Variants in ZNF267 observed in about 807,000 individuals in gnomAD.
ZNF267 encodes the protein zinc finger (C2H2).
In ZNF267, 61 loss-of-function variants were observed where a neutral mutation model predicts 71.6. The observed-to-expected ratio is 0.85, with a 90% CI of 0.69 to 1.05. The LOEUF is 1.05. Among genes scored for constraint, ZNF267 ranks in the 50% least tolerant of loss-of-function variants. The probability of loss-of-function intolerance (pLI) is 0.00; values close to 1 mark genes in which losing one functional copy is unlikely to be tolerated. For synonymous variants in ZNF267, 288 were observed against 293.2 expected (o/e 0.98, Z 0.18); for missense variants, 852 against 870.0 (o/e 0.98, Z 0.26).
chr16:31,885,136 C>T, intron 2 of ZNF267, 25 bp from the exon 3 acceptor site: 5 of 1,562,230 alleles, frequency 3.2e-6, no homozygotes, highest in Non-Finnish European at 4.3e-6. Flanking sequence ...CATTAAGAGT[C>T]ATGTGAATTT....
At chr16:31,899,864 A>G (rs2084025521) in intron 3 of ZNF267, among the ~76,000 whole-genome samples, 1 of 152,182 alleles carries the variant, frequency 6.6e-6, no homozygotes, top group Non-Finnish European at 1.5e-5. Context: ...TTTTCTAATA[A>G]CCTAGATTGT....
At position 31,909,801 on chromosome 16, in the gene ZNF267, A is replaced by G. The variant is rs146183905; in HGVS notation, c.227-4675A>G. Among the ~76,000 whole-genome samples, 53 of 152,320 alleles carry G rather than the reference A, an allele frequency of 3.5e-4. No individual in the cohort carries two copies. The East Asian group carries it at 0.01, about 29-fold the overall frequency. On this transcript the variant is annotated intron_variant, in intron 3 of 3. Coordinates refer to ENST00000300870, the MANE Select transcript of ZNF267 (RefSeq NM_003414.6). ...GCTAGCACTTCCAGTACTATGTTGA[A>G]TAACAGTGTTGAAAGTGGACATCCT... is the stretch of plus-strand genomic sequence containing the variant.
At chr16:31,893,507 G>C (rs2083975547) in intron 3 of ZNF267, among the ~76,000 whole-genome samples, 1 of 152,184 alleles carries the variant, frequency 6.6e-6, no homozygotes, top group African/African-American at 2.4e-5. Flanking sequence ...CTATCGCATT[G>C]TTAGGCTGCA....
chr16:31,877,008 G>A (rs1324728797), intron 1 of ZNF267, among the ~76,000 whole-genome samples: 1 of 152,116 alleles, frequency 6.6e-6, no homozygotes, highest in Non-Finnish European at 1.5e-5. Flanking sequence ...ATGGAAGGAG[G>A]GTTGGGAGGC....
rs781073898 is a variant in ZNF267 at position 31,915,604 on chromosome 16, C to T, written c.1355C>T (p.Thr452Ile). 4.3e-6 allele frequency: 7 copies of T among 1,613,558 alleles called. No individual in the cohort carries two copies. The highest frequency in any genetic ancestry group is 5.9e-6 in the Non-Finnish European group (7 of 1,179,922). ...GCTTTTAACCGTAGTTCATGCCTTA[C>T]TCAACATCAGACAACTCATACAGGA... is the stretch of plus-strand genomic sequence containing the variant. ...GKAFNRSSCL[T>I]QHQTTHTGEK... Residue 452 changes from threonine to isoleucine, a missense_variant, in exon 4 of 4, where the codon ACT becomes ATT. Transcript: ENST00000300870.
At chr16:31,880,280 T>A (rs1345043226) in intron 1 of ZNF267, among the ~76,000 whole-genome samples, 1 of 152,196 alleles carries the variant, frequency 6.6e-6, no homozygotes, top group Non-Finnish European at 1.5e-5. Flanking sequence ...GTGGTTCCTT[T>A]TTATAAACAG....
chr16:31,893,513 C>T (rs1236725074), intron 3 of ZNF267, among the ~76,000 whole-genome samples: 1 of 152,220 alleles, frequency 6.6e-6, no homozygotes, highest in East Asian at 1.9e-4. Flanking sequence ...CATTGTTAGG[C>T]TGCAAATTTT....
intron 3 of ZNF267, among the ~76,000 whole-genome samples, chr16:31,909,196 G>A (rs1175634111): frequency 5.6e-5 from 8 of 143,548 alleles, no homozygotes; most frequent in Admixed American, 2.2e-4. Context: ...GCACGATCTC[G>A]GCTCGGCTCA....
rs563483705 is a variant in ZNF267, at chr16:31,916,700, G to A, written c.*219G>A. 2 of 551,254 alleles carry A rather than the reference G, an allele frequency of 3.6e-6. No individual in the cohort carries two copies. Among genetic ancestry groups the A allele is most frequent in the Non-Finnish European group, 6.3e-6 (2 of 317,142 alleles). 34.1% of individuals were successfully genotyped at this position (551,254 alleles called of 1,614,324 possible). A position where few individuals can be genotyped will look rare whatever the true frequency, so the allele number is the denominator to read the frequency against. On this transcript the variant is annotated 3_prime_UTR_variant, in exon 4 of 4. Transcript: ENST00000300870. ...TAAACTGTGCTCAACCCTTACTCAA[G>A]ATAATCCATACTAGAGAAACACTAT...
At chr16:31,894,636 GGAC>G in intron 3 of ZNF267, 1 of 485,680 alleles carries the variant, frequency 2.1e-6, no homozygotes, top group Non-Finnish European at 4.1e-6. Context: ...CAGCTTCGCT[GGAC>G]ATGCCTGCTG....
Position 31,873,917 on chromosome 16 carries a change from G to T in ZNF267, c.-50G>T, listed in dbSNP as rs780192983. The T allele has an allele frequency of 1.2e-6, 2 of 1,613,394 alleles. No individual in the cohort carries two copies. The highest frequency in any genetic ancestry group is 1.7e-6 in the Non-Finnish European group (2 of 1,179,466). The stretch of plus-strand genomic sequence containing the variant: ...ACCTCTGTTGCTCTGCGACTTGCAG[G>T]CACTGGGAGATTCGTAGCTAAGACG... On this transcript the variant is annotated 5_prime_UTR_variant, in exon 1 of 4. Coordinates refer to ENST00000300870, the MANE Select transcript of ZNF267 (RefSeq NM_003414.6).
chr16:31,905,613 G>T, intron 3 of ZNF267, among the ~76,000 whole-genome samples: 1 of 152,010 alleles, frequency 6.6e-6, no homozygotes, highest in East Asian at 1.9e-4. Flanking sequence ...CACGTAGTTC[G>T]TGTGCCTTGG....
At position 31,897,157 on chromosome 16, in the gene ZNF267, CAAAA is replaced by C. The variant is rs199788365; in HGVS notation, c.226+11906_226+11909del. Among the ~76,000 whole-genome samples the C allele has an allele frequency of 3.4e-5, 5 of 147,340 alleles. 1 individual carries two copies. The highest frequency in any genetic ancestry group is 6.0e-5 in the Non-Finnish European group (4 of 66,936). ...ACCAAAAAAACAAAACAAAACAAAA[CAAAA>C]AAAACCCAGAAACAACAAAACTGTT... is the stretch of plus-strand genomic sequence containing the variant. On this transcript the variant is annotated intron_variant, in intron 3 of 3. Coordinates refer to ENST00000300870, the MANE Select transcript of ZNF267 (RefSeq NM_003414.6).
At chr16:31,903,048 G>A (rs908873368) in intron 3 of ZNF267, among the ~76,000 whole-genome samples, 11 of 152,268 alleles carry the variant, frequency 7.2e-5, no homozygotes, top group African/African-American at 2.2e-4. Context: ...AGATAATCAT[G>A]TGGTTTTTGT....
chr16:31,906,196 T>TG (rs1028058198), intron 3 of ZNF267, among the ~76,000 whole-genome samples: 2 of 152,162 alleles, frequency 1.3e-5, no homozygotes, highest in African/African-American at 2.4e-5. Flanking sequence ...CAGCTCCTAC[T>TG]GGGGGGTGCC....
chr16:31,876,045 ATCTT>A (rs1294679623), intron 1 of ZNF267, among the ~76,000 whole-genome samples: 11 of 152,204 alleles, frequency 7.2e-5, no homozygotes, highest in African/African-American at 9.6e-5. Flanking sequence ...AACAGAGAAA[ATCTT>A]TCTTTCATTA....
intron 1 of ZNF267, among the ~76,000 whole-genome samples, chr16:31,876,365 C>T (rs973102562): frequency 1.3e-5 from 2 of 151,992 alleles, no homozygotes; most frequent in South Asian, 2.1e-4. Flanking sequence ...AGGGGTGCTG[C>T]GCCATGGCTG....
At chr16:31,900,633 A>G (rs919558888) in intron 3 of ZNF267, among the ~76,000 whole-genome samples, 3 of 151,638 alleles carry the variant, frequency 2.0e-5, no homozygotes, top group Non-Finnish European at 2.9e-5. Flanking sequence ...TTTAGTAGAG[A>G]TGGGGTTTCA....
At position 31,914,949 on chromosome 16, in the gene ZNF267, C is replaced by A; in HGVS notation, c.700C>A (p.His234Asn). 1 of 1,608,904 alleles carries A rather than the reference C, an allele frequency of 6.2e-7. No individual in the cohort carries two copies. Among genetic ancestry groups the A allele is most frequent in the South Asian group, 1.1e-5 (1 of 89,328 alleles). ...TLNQSSSPKN[H>N]QENYFLEKQY... The stretch of plus-strand genomic sequence containing the variant: ...GAACCAAAGCTCAAGCCCTAAAAAT[C>A]ATCAGGAAAATTATTTTCTAGAAAA... The change falls in exon 4 of 4, where the codon CAT (histidine) becomes AAT (asparagine). Residue 234 changes from histidine to asparagine, a missense_variant. By Grantham distance (68) the His-to-Asn change is moderately conservative. Coordinates refer to ENST00000300870, the MANE Select transcript of ZNF267 (RefSeq NM_003414.6).
Sources: gnomAD v4.1 joint callset for allele counts (sites outside exome capture counted in the v4.1 genomes callset) on GRCh38, gnomAD v4.1.1 for gene constraint, MANE v1.5 for transcripts, NCBI Gene and HGNC (gene_info 2026-07-23, HGNC 2026-07-21) for gene names.